FLYWCH1: variants seen among roughly 807,000 people sequenced by gnomAD.
FLYWCH1 encodes FLYWCH-type zinc finger 1.
Under a neutral mutation model 66.4 loss-of-function variants are expected in FLYWCH1, and 75 were observed. The observed-to-expected ratio is 1.13, with a 90% CI of 0.94 to 1.37. The LOEUF (loss-of-function observed/expected upper bound fraction) is 1.37, where lower values mean the gene tolerates loss of function less well. FLYWCH1 is among the 40% of genes most tolerant of loss of function. FLYWCH1 has a pLI of 0.00. For missense variants in FLYWCH1, 1,334 were observed against 1,001.8 expected (o/e 1.33, Z -4.48); for synonymous variants, 595 against 429.9 (o/e 1.38, Z -4.75).
intron 9 of FLYWCH1, among the ~76,000 whole-genome samples, chr16:2,946,993 G>T (rs373826579): frequency 1.3e-5 from 2 of 151,986 alleles, no homozygotes; most frequent in African/African-American, 4.8e-5. Flanking sequence ...TCCACTCCTA[G>T]GTATGTACCC....
intron 2 of FLYWCH1, among the ~76,000 whole-genome samples, chr16:2,923,631 T>A (rs530731322): frequency 6.6e-6 from 1 of 152,252 alleles, no homozygotes; most frequent in African/African-American, 2.4e-5. Context: ...GCCATTTATA[T>A]GCACCCATCT....
At position 2,949,492 on chromosome 16, in the gene FLYWCH1, C is replaced by G. The variant is rs1596413439; in HGVS notation, c.*765C>G. The G allele has an allele frequency of 6.6e-6, 1 of 152,316 alleles. No homozygotes were observed. The highest frequency in any genetic ancestry group is 1.9e-4 in the East Asian group (1 of 5,168). The allele number at this position is 152,316 out of a possible 1,614,324, so 9.4% of individuals were successfully genotyped here. On this transcript the variant is annotated 3_prime_UTR_variant, in exon 10 of 10. Coordinates refer to ENST00000253928, the MANE Select transcript of FLYWCH1 (RefSeq NM_001308068.2). ...CAGCGGCATCCTGGGTGGCCCAGGT[C>G]CATCCTGGGCAGCAAAGGCGTGTCC...
At chr16:2,945,575 G>C (rs1048278783) in intron 9 of FLYWCH1, among the ~76,000 whole-genome samples, 6 of 144,708 alleles carry the variant, frequency 4.1e-5, no homozygotes, top group African/African-American at 1.3e-4. Context: ...AGTGCACTGA[G>C]ATCGTGGCAG....
Position 2,916,980 on chromosome 16 carries a change from TAA to T in FLYWCH1, c.-74+2707_-74+2708del, listed in dbSNP as rs56875032. Among the ~76,000 whole-genome samples the T allele has an allele frequency of 8.5e-3, 1,158 of 135,878 alleles. 5 individuals carry two copies. The highest frequency in any genetic ancestry group is 0.02 in the African/African-American group (720 of 36,748). The allele number at this position is 135,878 out of a possible 152,430, so 89.1% of individuals were successfully genotyped here. A position where few individuals can be genotyped will look rare whatever the true frequency, so the allele number is the denominator to read the frequency against. On this transcript the variant is annotated intron_variant, in intron 2 of 9. Coordinates refer to ENST00000253928, the MANE Select transcript of FLYWCH1 (RefSeq NM_001308068.2). Reference sequence around the variant, plus strand: ...CAACATGGTGAAACCCCATCTCTAGTAAAAAAAAAAAAAAAAATAACAAAAAT... The same window carrying T: ...CAACATGGTGAAACCCCATCTCTAGTAAAAAAAAAAAAAAATAACAAAAAT...
chr16:2,917,509 G>A (rs1037162916), intron 2 of FLYWCH1, among the ~76,000 whole-genome samples: 14 of 151,860 alleles, frequency 9.2e-5, no homozygotes, highest in Admixed American at 2.6e-4. Context: ...GATTACAGGT[G>A]TGAGCCACCA....
In FLYWCH1 at chr16:2,938,221, G is replaced by A; in HGVS notation, c.1815G>A (p.Leu605=). Residue 605 remains leucine (L), a synonymous_variant, in exon 8 of 10, where the codon CTG becomes CTA. Transcript: ENST00000253928. ...CCCTGGAGTTCCTGAGGACTTCCCT[G>A]GGGGGCAGGTTCCTGGTGCACGAGT... ...LRPLEFLRTS[L]GGRFLVHESF... is the part of the protein sequence containing the mutation. 3.1e-6 allele frequency: 5 copies of A among 1,612,962 alleles called. No homozygotes were observed. Among genetic ancestry groups the A allele is most frequent in the Non-Finnish European group, 4.2e-6 (5 of 1,179,514 alleles).
intron 9 of FLYWCH1, 78 bp downstream of exon 9, chr16:2,940,170 G>C (rs2071203074): frequency 1.3e-6 from 1 of 749,256 alleles, no homozygotes; most frequent in South Asian, 1.5e-5. Context: ...AATATTTGCT[G>C]TCTCAGCTTT....
intron 2 of FLYWCH1, among the ~76,000 whole-genome samples, chr16:2,919,414 C>T (rs971737302): frequency 2.3e-4 from 35 of 151,488 alleles, no homozygotes; most frequent in African/African-American, 3.4e-4. Flanking sequence ...TACAGGCATG[C>T]GCCACCACAC....
intron 7 of FLYWCH1, among the ~76,000 whole-genome samples, chr16:2,937,748 G>T (rs951987891): frequency 4.6e-5 from 7 of 152,044 alleles, no homozygotes; most frequent in Non-Finnish European, 8.8e-5. Context: ...CTAGTCTCAC[G>T]GGGTTCTCTC....
In FLYWCH1 at chr16:2,930,658, A is replaced by C; in HGVS notation, c.574A>C (p.Ser192Arg). The part of the protein sequence containing the change: ...EARRQREKLP[S>R]LALPEGLGEP... ...CCGGCGCCAGAGGGAGAAACTGCCC[A>C]GCCTGGCCCTGCCAGAGGGCTTGGG... The change falls in exon 4 of 10, where the codon AGC (serine) becomes CGC (arginine). Residue 192 changes from serine to arginine, a missense_variant. Physicochemically the swap from Ser to Arg is moderately radical, Grantham distance 110 (BLOSUM62 -1). Coordinates refer to ENST00000253928, the MANE Select transcript of FLYWCH1 (RefSeq NM_001308068.2). 1.3e-6 allele frequency: 2 copies of C among 1,546,444 alleles called. No individual in the cohort carries two copies. Among genetic ancestry groups the C allele is most frequent in the South Asian group, 1.2e-5 (1 of 84,086 alleles).
chr16:2,941,566 C>T (rs1299598331), intron 9 of FLYWCH1, among the ~76,000 whole-genome samples: 3 of 150,554 alleles, frequency 2.0e-5, no homozygotes, highest in Non-Finnish European at 3.0e-5. Context: ...GGAGACAGAG[C>T]AAGATCCCAT....
intron 3 of FLYWCH1, 42 bp from the exon 4 acceptor site, chr16:2,930,368 C>A (rs1227190793): frequency 7.8e-7 from 1 of 1,287,730 alleles, no homozygotes; most frequent in Non-Finnish European, 1.0e-6. Flanking sequence ...CGACCCTGAG[C>A]TTTGCTCTAG....
intron 9 of FLYWCH1, among the ~76,000 whole-genome samples, chr16:2,942,008 A>C (rs1328134200): frequency 6.6e-6 from 1 of 150,868 alleles, no homozygotes; most frequent in African/African-American, 2.4e-5. Context: ...AAAAAAAAAA[A>C]AAAAAAAAAA....
At chr16:2,942,391 A>G (rs1344951792) in intron 9 of FLYWCH1, among the ~76,000 whole-genome samples, 1 of 151,992 alleles carries the variant, frequency 6.6e-6, no homozygotes, top group Non-Finnish European at 1.5e-5. Flanking sequence ...CAATCAGTCC[A>G]CCTGCCTTGG....
At position 2,918,293 on chromosome 16, in the gene FLYWCH1, G is replaced by A. The variant is rs559612685; in HGVS notation, c.-74+4004G>A. ...CTCCCGAGTAGCTGGGACTACAGGC[G>A]GCCGCCACCGCGCCCAGCTAATTTT... On this transcript the variant is annotated intron_variant, in intron 2 of 9. Transcript: ENST00000253928. 3.4e-3 allele frequency among the ~76,000 whole-genome samples: 515 copies of A among 151,288 alleles called. 1 individual carries two copies. The highest frequency in any genetic ancestry group is 0.012 in the African/African-American group (493 of 41,138).
At chr16:2,924,303 C>T (rs1175806219) in intron 2 of FLYWCH1, among the ~76,000 whole-genome samples, 1 of 151,566 alleles carries the variant, frequency 6.6e-6, no homozygotes, top group Non-Finnish European at 1.5e-5. Context: ...TGCACTCTAG[C>T]CTGGGTGACA....
chr16:2,914,908 CA>C (rs555910638), intron 2 of FLYWCH1, among the ~76,000 whole-genome samples: 25,598 of 72,764 alleles, frequency 0.35, 1,613 homozygotes, highest in African/African-American at 0.36. Flanking sequence ...GACTCTGTCT[CA>C]AAAAAAAAAA....
At position 2,933,522 on chromosome 16, in the gene FLYWCH1, C is replaced by A; in HGVS notation, c.1189C>A (p.Gln397Lys). The A allele has an allele frequency of 6.2e-7, 1 of 1,611,438 alleles. No homozygotes were observed. The highest frequency in any genetic ancestry group is 8.5e-7 in the Non-Finnish European group (1 of 1,178,916). ...CAGAAAGCGAGCAAAGGTCGAAGAC[C>A]AGGAGCTGCCAACCCAGCCCGAGGC... The part of the protein sequence containing the change: ...RPRKRAKVED[Q>K]ELPTQPEAPD... The change falls in exon 5 of 10, where the codon CAG becomes AAG. Residue 397 changes from glutamine (Q) to lysine (K), a missense_variant. Transcript: ENST00000253928.
intron 2 of FLYWCH1, chr16:2,922,844 G>A (rs2070422185): frequency 1.1e-5 from 6 of 524,230 alleles, no homozygotes; most frequent in Non-Finnish European, 1.9e-5. Context: ...GAAGACAAGT[G>A]TGTTGTCTTC....
Sources: allele counts gnomAD v4.1 joint callset (sites outside exome capture counted in the v4.1 genomes callset), GRCh38; gene constraint gnomAD v4.1.1; transcripts MANE v1.5; gene names NCBI Gene and HGNC (gene_info 2026-07-23, HGNC 2026-07-21).